Variants in SIGLEC5 observed in about 807,000 individuals in gnomAD.
SIGLEC5 encodes sialic acid-binding Ig-like lectin 5.
Under a neutral mutation model 45.9 loss-of-function variants are expected in SIGLEC5, and 34 were observed. That is an observed-to-expected ratio of 0.74 (90% confidence interval 0.56 to 0.99). SIGLEC5 has a LOEUF of 0.99. Among genes scored for constraint, SIGLEC5 ranks in the 50% least tolerant of loss-of-function variants. SIGLEC5 has a pLI of 0.00. For missense variants in SIGLEC5, 508 were observed against 629.6 expected (o/e 0.81, Z 2.07); for synonymous variants, 203 against 258.6 (o/e 0.79, Z 2.06).
chr19:51,614,146 T>A (rs763398017), intron 8 of SIGLEC5, among the ~76,000 whole-genome samples: 4 of 152,176 alleles, frequency 2.6e-5, no homozygotes, highest in Non-Finnish European at 5.9e-5. Context: ...AAACAGTAGC[T>A]CAGAAGTTTT....
chr19:51,620,994 ATT>A (rs1983263542), intron 8 of SIGLEC5: 1 of 152,152 alleles, frequency 6.6e-6, no homozygotes, highest in Non-Finnish European at 1.5e-5. Flanking sequence ...CTAATTTGTG[ATT>A]TTGTTTTAAT....
At chr19:51,621,570 T>C (rs1983282482) in intron 8 of SIGLEC5, 1 of 152,188 alleles carries the variant, frequency 6.6e-6, no homozygotes, top group African/African-American at 2.4e-5. Flanking sequence ...TTTAAGAAAA[T>C]AGCATTACAC....
At chr19:51,628,973 C>G in intron 4 of SIGLEC5, 65 bp downstream of exon 4, 1 of 1,467,706 alleles carries the variant, frequency 6.8e-7, no homozygotes, top group Non-Finnish European at 9.5e-7. Flanking sequence ...AGCTCTGATT[C>G]TCTACCTCTG....
Position 51,611,488 on chromosome 19 carries a change from A to G in SIGLEC5, c.*743T>C, listed in dbSNP as rs1982848316. On this transcript the variant is annotated 3_prime_UTR_variant, in exon 9 of 9. Coordinates refer to ENST00000683636, the MANE Select transcript of SIGLEC5 (RefSeq NM_003830.4). ...AGGAAAGTATAAATGAATAGATAGC[A>G]GGGAGATCATGAAGGACTTTATGTG... is the stretch of plus-strand genomic sequence containing the variant. 6.6e-6 allele frequency among the ~76,000 whole-genome samples: 1 copy of G among 152,232 alleles called. No homozygotes were observed. Among genetic ancestry groups the G allele is most frequent in the African/African-American group, 2.4e-5 (1 of 41,462 alleles).
chr19:51,627,647 C>G lies in SIGLEC5; in HGVS notation c.1097G>C (p.Arg366Pro). ...CCCCTCCAGCGGCTTCTCCTCAAGC[C>G]GCCAGCACAGGGAGGGGGCCGGCCG... ...RARPAPSLCW[R>P]LEEKPLEGNS... Residue 366 changes from arginine to proline, a missense_variant, in exon 6 of 9, where the codon CGG (arginine) becomes CCG (proline). Transcript: ENST00000683636. 6.2e-7 allele frequency: 1 copy of G among 1,612,144 alleles called. No homozygotes were observed. Among genetic ancestry groups the G allele is most frequent in the South Asian group, 1.1e-5 (1 of 91,028 alleles).
chr19:51,628,386 A>G (rs529684231), intron 4 of SIGLEC5, among the ~76,000 whole-genome samples: 1 of 152,286 alleles, frequency 6.6e-6, no homozygotes, highest in South Asian at 2.1e-4. Flanking sequence ...CGCTAATGTG[A>G]CAGGAAATAA....
At chr19:51,624,925 G>GT (rs1983422589) in intron 8 of SIGLEC5, among the ~76,000 whole-genome samples, 2 of 151,860 alleles carry the variant, frequency 1.3e-5, no homozygotes, top group East Asian at 3.9e-4. Context: ...GGTTGCGCCA[G>GT]TGCACTCCAG....
At chr19:51,614,100 G>A (rs562840344) in intron 8 of SIGLEC5, among the ~76,000 whole-genome samples, 5 of 152,216 alleles carry the variant, frequency 3.3e-5, no homozygotes, top group South Asian at 4.1e-4. Context: ...TACCCATCAC[G>A]CTATGGAAAA....
At position 51,617,358 on chromosome 19, in the gene SIGLEC5, C is replaced by T. The variant is rs149160426; in HGVS notation, c.1465-4936G>A. ...AAACACCTCAGCTGAAAGGGCCCCA[C>T]GAGTGCAAGAAAAAAGATGCAGGGA... On this transcript the variant is annotated intron_variant, in intron 8 of 8. Coordinates refer to ENST00000683636, the MANE Select transcript of SIGLEC5 (RefSeq NM_003830.4). Among the ~76,000 whole-genome samples the T allele has an allele frequency of 1.9e-3, 287 of 151,800 alleles. 1 individual carries two copies. Among genetic ancestry groups the T allele is most frequent in the Admixed American group, 9.5e-3 (145 of 15,242 alleles).
At chr19:51,626,006 C>T (rs1425249484) in intron 8 of SIGLEC5, 26 bp downstream of exon 8, 4 of 1,596,626 alleles carry the variant, frequency 2.5e-6, no homozygotes, top group Admixed American at 1.7e-5. Context: ...TGGACATGCA[C>T]ATGAGAAGAT....
At chr19:51,624,977 AT>A (rs1487359401) in intron 8 of SIGLEC5, among the ~76,000 whole-genome samples, 7 of 152,000 alleles carry the variant, frequency 4.6e-5, no homozygotes, top group African/African-American at 1.7e-4. Context: ...AAAAATAAAA[AT>A]AAAAAAGAAT....
chr19:51,623,688 T>C (rs1168086981), intron 8 of SIGLEC5, among the ~76,000 whole-genome samples: 1 of 152,198 alleles, frequency 6.6e-6, no homozygotes, highest in Non-Finnish European at 1.5e-5. Context: ...TGGATATAAT[T>C]GCTTTGGAAA....
intron 8 of SIGLEC5, among the ~76,000 whole-genome samples, chr19:51,618,145 A>G (rs1219135159): frequency 6.6e-6 from 1 of 151,848 alleles, no homozygotes; most frequent in East Asian, 1.9e-4. Flanking sequence ...AATATTGAAA[A>G]AGTGGGACTA....
intron 8 of SIGLEC5, among the ~76,000 whole-genome samples, chr19:51,618,443 TAAAAAA>T (rs1228951315): frequency 2.0e-5 from 1 of 49,438 alleles, no homozygotes; most frequent in Non-Finnish European, 3.4e-5. Flanking sequence ...AGACCCTGCC[TAAAAAA>T]AAAAAAAAAA....
chr19:51,627,765 G>T lies in SIGLEC5; in HGVS notation c.998-19C>A. ...GGGAGGGCTGTGGGGAGGGAGGACAGAACTCAGCAGGGGGCCTCTTCCTTC... is the reference window on the plus strand; with the variant it reads ...GGGAGGGCTGTGGGGAGGGAGGACATAACTCAGCAGGGGGCCTCTTCCTTC... On this transcript the variant is annotated intron_variant, in intron 5 of 8. Transcript: ENST00000683636. 1 of 1,571,036 alleles carries T rather than the reference G, an allele frequency of 6.4e-7. No homozygotes were observed. The highest frequency in any genetic ancestry group is 1.2e-5 in the South Asian group (1 of 84,108).
chr19:51,621,223 C>G (rs1436457316), intron 8 of SIGLEC5: 1 of 152,114 alleles, frequency 6.6e-6, no homozygotes, highest in Non-Finnish European at 1.5e-5. Context: ...AGTGAATCCC[C>G]TCAAGGAACC....
In SIGLEC5 at chr19:51,629,419, A is replaced by G. The variant is rs768641784; in HGVS notation, c.639T>C (p.Cys213=). ...RPEDHGTNLT[C]QMKRQGAQVT... ...CCTGAGCTCCTTGGCGTTTCATCTG[A>G]CAGGTGAGGTTGGTGCCATGGTCCT... is the stretch of plus-strand genomic sequence containing the variant. Residue 213 remains cysteine (C), a synonymous_variant, in exon 3 of 9, where the codon TGT becomes TGC. Transcript: ENST00000683636. The G allele has an allele frequency of 6.2e-7, 1 of 1,613,496 alleles. No homozygotes were observed. Among genetic ancestry groups the G allele is most frequent in the Non-Finnish European group, 8.5e-7 (1 of 1,179,918 alleles).
intron 8 of SIGLEC5, among the ~76,000 whole-genome samples, chr19:51,616,004 G>A (rs142526112): frequency 0.13 from 19,943 of 152,194 alleles, 1,400 homozygotes; most frequent in Middle Eastern, 0.22. Flanking sequence ...TCAAACTCCC[G>A]ACCTCAGGTG....
Position 51,629,271 on chromosome 19 carries a change from TACACACACACAC to T in SIGLEC5, c.700+75_700+86del, listed in dbSNP as rs72330913. 132 of 1,439,714 alleles carry T rather than the reference TACACACACACAC, an allele frequency of 9.2e-5. 1 individual carries two copies. The Middle Eastern group carries it at 1.7e-3, about 18-fold the overall frequency. The allele number at this position is 1,439,714 out of a possible 1,614,324, so 89.2% of individuals were successfully genotyped here. ...TTGTTTTGTTTCTCTCTGTCTTCCT[TACACACACACAC>T]ACACACACACACACACACACACCCC... On this transcript the variant is annotated intron_variant, in intron 3 of 8. Transcript: ENST00000683636.
Sources: allele counts gnomAD v4.1 joint callset (sites outside exome capture counted in the v4.1 genomes callset), GRCh38; gene constraint gnomAD v4.1.1; transcripts MANE v1.5; gene names NCBI Gene and HGNC (gene_info 2026-07-23, HGNC 2026-07-21).